The following SI variants were observed in gnomAD, a reference collection of about 807,000 sequenced individuals.
SI encodes sucrase-isomaltase, also known as sucrase-isomaltase, intestinal.
A neutral mutation model predicts 253.3 loss-of-function variants in SI; 235 were observed. That is an observed-to-expected ratio of 0.93 (90% CI 0.83 to 1.03). The LOEUF is 1.03. SI is among the 50% of genes least tolerant of loss of function. The pLI is 0.00. For synonymous variants in SI, 819 were observed against 712.0 expected (o/e 1.15, Z -2.39); for missense variants, 2,442 against 2,211.1 (o/e 1.10, Z -2.09).
intron 37 of SI, among the ~76,000 whole-genome samples, chr3:165,000,336 C>A (rs1718200701): frequency 6.7e-6 from 1 of 148,540 alleles, no homozygotes; most frequent in Admixed American, 6.9e-5. Context: ...AGTAGTTTCA[C>A]ACAATGGGCA....
Position 165,017,848 on chromosome 3 carries a change from A to G in SI, c.3546T>C (p.Ala1182=). ...AMDVTFQPTP[A]LTYRTVGGIL... is the part of the protein sequence containing the mutation. ...TCCCTCCAACTGTACGGTAAGTTAG[A>G]GCAGGAGTTGGCTGGAATGTAACAT... Residue 1182 remains alanine (A), a synonymous_variant, in exon 30 of 48, where the codon GCT becomes GCC. Coordinates refer to ENST00000264382, the MANE Select transcript of SI (RefSeq NM_001041.4). The G allele has an allele frequency of 6.2e-7, 1 of 1,613,094 alleles. No individual in the cohort carries two copies. Among genetic ancestry groups the G allele is most frequent in the South Asian group, 1.1e-5 (1 of 91,066 alleles).
At chr3:165,077,353 C>T (rs1327347732) in intron 1 of SI, among the ~76,000 whole-genome samples, 1 of 151,542 alleles carries the variant, frequency 6.6e-6, no homozygotes, top group Admixed American at 6.6e-5. Context: ...TATTAAATGT[C>T]CATTGCAATT....
chr3:164,990,374 G>T (rs1443886521), intron 44 of SI, among the ~76,000 whole-genome samples: 1 of 151,956 alleles, frequency 6.6e-6, no homozygotes, highest in Admixed American at 6.6e-5. Context: ...AAGACATTAA[G>T]TTGTCATTAC....
chr3:165,026,094 C>T (rs1711902749), intron 25 of SI, among the ~76,000 whole-genome samples: 1 of 151,188 alleles, frequency 6.6e-6, no homozygotes, highest in Non-Finnish European at 1.5e-5. Flanking sequence ...AGAGACTCAC[C>T]TAACACATAA....
chr3:165,041,222 A>T (rs1712812266), intron 17 of SI, 128 bp from the exon 18 acceptor site: 2 of 763,978 alleles, frequency 2.6e-6, no homozygotes, highest in Non-Finnish European at 4.4e-6. Context: ...AATTAAAATT[A>T]TTCCTATTTC....
At chr3:165,039,192 C>G in intron 19 of SI, 58 bp from the exon 20 acceptor site, 1 of 1,200,748 alleles carries the variant, frequency 8.3e-7, no homozygotes, top group Non-Finnish European at 1.2e-6. Context: ...AGGATCTTAT[C>G]AAATATTAAG....
rs750915744 is a variant in SI at position 165,038,035 on chromosome 3, G to A, written c.2302-11C>T. ...TGGCCTTTTTGCACCCTAATAATTG[G>A]AAGATTAAAAACATTCTTAATATTA... On this transcript the variant is annotated splice_polypyrimidine_tract_variant and intron_variant, in intron 20 of 47. Transcript: ENST00000264382. 1 of 1,576,644 alleles carries A rather than the reference G, an allele frequency of 6.3e-7. No individual in the cohort carries two copies. The highest frequency in any genetic ancestry group is 8.7e-7 in the Non-Finnish European group (1 of 1,147,218).
Position 165,017,588 on chromosome 3 carries a change from C to G in SI, c.3719G>C (p.Arg1240Pro), listed in dbSNP as rs1427495882. ...RYGYANTSEV[R>P]ELYDAMVAAN... The stretch of plus-strand genomic sequence containing the variant: ...AGCCACCATAGCGTCATATAATTCC[C>G]GAACCTCTGAAGTATTTGCATATCC... The change falls in exon 31 of 48, where the codon CGG becomes CCG. Residue 1240 changes from arginine (R) to proline (P), a missense_variant. Transcript: ENST00000264382. The G allele has an allele frequency of 2.5e-6, 4 of 1,612,310 alleles. No individual in the cohort carries two copies. The African/African-American group carries it at 5.4e-5, about 22-fold the overall frequency.
At chr3:165,044,166 A>T (rs1712997418) in intron 16 of SI, among the ~76,000 whole-genome samples, 1 of 152,028 alleles carries the variant, frequency 6.6e-6, no homozygotes, top group Admixed American at 6.6e-5. Flanking sequence ...ATTTCATTAC[A>T]TATATGTAAA....
In SI at chr3:165,069,154, A is replaced by G. The variant is rs759028237; in HGVS notation, c.297T>C (p.Asn99=). ...AQRGCCWRPW[N]DSLIPWCFFV... ...AGAAGCACCAAGGAATAAGAGAGTC[A>G]TTCCACGGCCTCCAGCAGCAGCCTC... is the stretch of plus-strand genomic sequence containing the variant. The change falls in exon 4 of 48, where the codon AAT becomes AAC. Residue 99 remains asparagine, a synonymous_variant. Coordinates refer to ENST00000264382, the MANE Select transcript of SI (RefSeq NM_001041.4). 6.2e-7 allele frequency: 1 copy of G among 1,613,672 alleles called. No individual in the cohort carries two copies. Among genetic ancestry groups the G allele is most frequent in the Non-Finnish European group, 8.5e-7 (1 of 1,179,738 alleles).
intron 22 of SI, among the ~76,000 whole-genome samples, chr3:165,034,837 G>A (rs1339602801): frequency 1.3e-5 from 2 of 151,924 alleles, no homozygotes; most frequent in East Asian, 3.9e-4. Flanking sequence ...GCAATTACTG[G>A]AATCACCTTT....
At chr3:165,035,568 T>C (rs892690365) in intron 22 of SI, among the ~76,000 whole-genome samples, 1 of 151,546 alleles carries the variant, frequency 6.6e-6, no homozygotes, top group African/African-American at 2.4e-5. Flanking sequence ...TTTAAAGGCA[T>C]TTAGGATAGT....
intron 3 of SI, among the ~76,000 whole-genome samples, chr3:165,071,272 T>C (rs908659114): frequency 6.6e-6 from 1 of 152,008 alleles, no homozygotes; most frequent in Non-Finnish European, 1.5e-5. Flanking sequence ...TTAGTAATTT[T>C]AATTTATCTT....
At chr3:165,088,940 T>C in the SI span, among the ~76,000 whole-genome samples, 6 of 152,088 alleles carry the variant, frequency 3.9e-5, no homozygotes, top group Admixed American at 1.3e-4. Flanking sequence ...ATAATTAAAT[T>C]TTAGGTAACA....
chr3:165,002,027 A>G (rs1718278339), intron 37 of SI, among the ~76,000 whole-genome samples: 1 of 151,626 alleles, frequency 6.6e-6, no homozygotes, highest in South Asian at 2.1e-4. Context: ...AAAATTGTAT[A>G]TTAAAACACA....
chr3:165,029,584 ATATATG>A (rs1436606559), intron 25 of SI, among the ~76,000 whole-genome samples: 3 of 145,468 alleles, frequency 2.1e-5, no homozygotes, highest in Non-Finnish European at 4.6e-5. Context: ...ATATATACAT[ATATATG>A]TATATATATA....
chr3:165,017,458 G>A, intron 31 of SI, 90 bp downstream of exon 31: 2 of 1,288,320 alleles, frequency 1.6e-6, no homozygotes, highest in African/African-American at 3.0e-5. Context: ...ATTATTACCA[G>A]CTGCTTAAAT....
chr3:164,989,947 A>G (rs1267148259), intron 44 of SI, among the ~76,000 whole-genome samples: 1 of 152,204 alleles, frequency 6.6e-6, no homozygotes, highest in East Asian at 1.9e-4. Context: ...GGTGGCACAC[A>G]AAGGATGTTT....
rs1453026236 is a variant in SI at position 165,009,270 on chromosome 3, C to T, written c.4179+9G>A. ...AACTTAAAACATAGATTGTTCAAAG[C>T]TTACTTACAATCCACAAACCATCAA... On this transcript the variant is annotated intron_variant, in intron 35 of 47. Coordinates refer to ENST00000264382, the MANE Select transcript of SI (RefSeq NM_001041.4). 1 of 1,536,704 alleles carries T rather than the reference C, an allele frequency of 6.5e-7. No homozygotes were observed. The highest frequency in any genetic ancestry group is 1.1e-5 in the South Asian group (1 of 89,564).
Sources: allele counts gnomAD v4.1 joint callset (sites outside exome capture counted in the v4.1 genomes callset), GRCh38; gene constraint gnomAD v4.1.1; transcripts MANE v1.5; gene names NCBI Gene and HGNC (gene_info 2026-07-23, HGNC 2026-07-21).